TENM1: variants seen among roughly 807,000 people sequenced by gnomAD.
The protein encoded by TENM1 is teneurin transmembrane protein 1.
Under a neutral mutation model 174.8 loss-of-function variants are expected in TENM1, and 35 were observed. That is an observed-to-expected ratio of 0.20 (90% confidence interval 0.15 to 0.27). The LOEUF is 0.27. Ranked by LOEUF, TENM1 falls within the 10% of genes least tolerant of loss-of-function variation. The pLI is 1.00. For missense variants in TENM1, 1,633 were observed against 2,130.1 expected (o/e 0.77, Z 4.59); for synonymous variants, 781 against 798.7 (o/e 0.98, Z 0.37).
intron 6 of TENM1, among the ~76,000 whole-genome samples, chrX:124,665,382 A>T (rs746673051): frequency 5.0e-4 from 56 of 112,404 alleles, no homozygotes; most frequent in Admixed American, 1.6e-3. Flanking sequence ...ACAGAATAAA[A>T]CTATTATGTG....
intron 1 of TENM1, among the ~76,000 whole-genome samples, chrX:124,952,531 T>C (rs2058506817): frequency 9.0e-6 from 1 of 111,561 alleles, no homozygotes; most frequent in African/African-American, 3.3e-5. Flanking sequence ...TATTGAATAA[T>C]TTGAGACACA....
At chrX:125,077,475 G>A in the TENM1 span, among the ~76,000 whole-genome samples, 3 of 111,039 alleles carry the variant, frequency 2.7e-5, no homozygotes, top group Admixed American at 9.6e-5. Context: ...TATTCAAATT[G>A]GACTAAAAAT....
At chrX:125,048,798 G>A in the TENM1 span, among the ~76,000 whole-genome samples, 2 of 111,396 alleles carry the variant, frequency 1.8e-5, no homozygotes, top group African/African-American at 6.5e-5. Flanking sequence ...CATAAAAAAT[G>A]TAGGCAGAAA....
the TENM1 span, among the ~76,000 whole-genome samples, chrX:125,118,245 G>A: frequency 9.0e-6 from 1 of 110,964 alleles, no homozygotes; most frequent in Non-Finnish European, 1.9e-5. Context: ...CGGGGAGTGA[G>A]GGCTGAAAAA....
chrX:124,762,141 G>A (rs892956669), intron 3 of TENM1, among the ~76,000 whole-genome samples: 1 of 111,817 alleles, frequency 8.9e-6, no homozygotes, highest in Non-Finnish European at 1.9e-5. Flanking sequence ...ACATGGTGGG[G>A]AGAAAGTATG....
At chrX:124,565,280 C>G in intron 12 of TENM1, 95 bp downstream of exon 15, 1 of 696,678 alleles carries the variant, frequency 1.4e-6, no homozygotes. Context: ...CTACTCCAAC[C>G]TCAAATTCTA....
At chrX:124,834,832 A>G (rs765642933) in intron 3 of TENM1, among the ~76,000 whole-genome samples, 10 of 112,188 alleles carry the variant, frequency 8.9e-5, no homozygotes, top group Non-Finnish European at 1.5e-4. Flanking sequence ...TGAGCCAATG[A>G]AATAACCTCT....
the TENM1 span, among the ~76,000 whole-genome samples, chrX:125,015,862 A>C: frequency 2.2e-3 from 250 of 111,622 alleles, 1 homozygote; most frequent in African/African-American, 7.7e-3. Context: ...CCTCGGTTTC[A>C]AAAATAGTAA....
exon 32 of TENM1, chrX:124,377,337 G>A (rs1183490402): frequency 1.8e-5 from 2 of 110,359 alleles, no homozygotes; most frequent in Admixed American, 1.9e-4. Flanking sequence ...ATATATTATA[G>A]ATCTTCTAGA....
At chrX:124,866,920 C>T (rs1377228563) in intron 3 of TENM1, among the ~76,000 whole-genome samples, 1 of 111,172 alleles carries the variant, frequency 9.0e-6, no homozygotes, top group Non-Finnish European at 1.9e-5. Context: ...TTCCTAGATA[C>T]ATATAACCTA....
the TENM1 span, among the ~76,000 whole-genome samples, chrX:125,201,706 C>A: frequency 0.2 from 21,911 of 111,010 alleles, 1,898 homozygotes; most frequent in Admixed American, 0.34. Flanking sequence ...TTAGGAATTA[C>A]CTGATCCCTT....
chrX:124,812,629 T>C (rs1345676845), intron 3 of TENM1, among the ~76,000 whole-genome samples: 1 of 111,299 alleles, frequency 9.0e-6, no homozygotes, highest in Non-Finnish European at 1.9e-5. Context: ...ACTTCATTGA[T>C]CCTTCTTATT....
chrX:124,802,070 G>A (rs774404776), intron 3 of TENM1, among the ~76,000 whole-genome samples: 11 of 111,269 alleles, frequency 9.9e-5, no homozygotes, highest in Non-Finnish European at 1.9e-4. Flanking sequence ...CTTTAGCTCA[G>A]TGGAGTTTGT....
In TENM1 at chrX:124,818,215, T is replaced by TG. The variant is rs1225729530; in HGVS notation, c.535+76080dup. On this transcript the variant is annotated intron_variant, in intron 3 of 31. Transcript: ENST00000422452. Reference sequence around the variant, plus strand: ...GATTTGTACTGAATGTGATAATGCATGTAAAGAGCTTAGAGCACTGCCTGA... The same window carrying TG: ...GATTTGTACTGAATGTGATAATGCATGGTAAAGAGCTTAGAGCACTGCCTGA... Among the ~76,000 whole-genome samples the TG allele has an allele frequency of 2.9e-4, 32 of 111,777 alleles. No individual in the cohort carries two copies. In the Admixed American group the frequency reaches 3.1e-3, roughly 11 times the overall value.
intron 22 of TENM1, among the ~76,000 whole-genome samples, chrX:124,470,139 G>A (rs770707661): frequency 6.3e-5 from 7 of 111,718 alleles, no homozygotes; most frequent in Non-Finnish European, 1.1e-4. Context: ...ACTCACAAAA[G>A]TGCTCCAAAA....
intron 3 of TENM1, among the ~76,000 whole-genome samples, chrX:124,832,893 T>C (rs1339627919): frequency 1.8e-5 from 2 of 112,362 alleles, no homozygotes; most frequent in Non-Finnish European, 3.7e-5. Flanking sequence ...TTTGAAACAA[T>C]GTCTAGCAAA....
chrX:124,852,981 G>A (rs1306103814), intron 3 of TENM1, among the ~76,000 whole-genome samples: 1 of 111,819 alleles, frequency 8.9e-6, no homozygotes, highest in Non-Finnish European at 1.9e-5. Flanking sequence ...CTTTAGGACT[G>A]TAATAGCCTG....
the TENM1 span, among the ~76,000 whole-genome samples, chrX:125,125,557 A>G: frequency 1.8e-5 from 2 of 111,834 alleles, no homozygotes; most frequent in African/African-American, 6.5e-5. Flanking sequence ...TCCGCAGAAA[A>G]GTGGTCCAAA....
chrX:124,420,582 A>G (rs1303810242), exon 25 of TENM1: 1 of 1,212,180 alleles, frequency 8.2e-7, no homozygotes. Context: ...TTATAAACAT[A>G]GTCCCTTGTT....
Sources: allele counts gnomAD v4.1 joint callset (sites outside exome capture counted in the v4.1 genomes callset), GRCh38; gene constraint gnomAD v4.1.1; transcripts MANE v1.5; gene names NCBI Gene and HGNC (gene_info 2026-07-23, HGNC 2026-07-21).